The following MAGI1 variants were observed in gnomAD, a reference collection of about 807,000 sequenced individuals.
MAGI1 encodes the protein membrane associated guanylate kinase, WW and PDZ domain containing 1.
In MAGI1, 58 loss-of-function variants were observed where a neutral mutation model predicts 139.9. The observed-to-expected ratio is 0.41, with a 90% CI of 0.34 to 0.52. The LOEUF (loss-of-function observed/expected upper bound fraction) is 0.52. Ranked by LOEUF, MAGI1 falls within the 20% of genes least tolerant of loss-of-function variation. The pLI is 0.12. For synonymous variants in MAGI1, 812 were observed against 737.9 expected (o/e 1.10, Z -1.63); for missense variants, 1,874 against 1,901.6 (o/e 0.99, Z 0.27).
chr3:65,740,066 G>T (rs2035126571), intron 1 of MAGI1, among the ~76,000 whole-genome samples: 1 of 152,162 alleles, frequency 6.6e-6, no homozygotes, highest in Non-Finnish European at 1.5e-5. Flanking sequence ...GCCTGGAATG[G>T]CTTTCAAGCA....
chr3:65,597,959 G>A, intron 2 of MAGI1: 1 of 454,048 alleles, frequency 2.2e-6, no homozygotes, highest in Non-Finnish European at 4.4e-6. Context: ...CTTCCTGGGA[G>A]AGCTGGGGGC....
chr3:65,586,968 A>G (rs2081712823), intron 2 of MAGI1, among the ~76,000 whole-genome samples: 1 of 152,192 alleles, frequency 6.6e-6, no homozygotes, highest in Non-Finnish European at 1.5e-5. Context: ...AATTTCCCAA[A>G]GGCTTGCTGC....
intron 1 of MAGI1, among the ~76,000 whole-genome samples, chr3:65,981,462 A>T (rs1390500402): frequency 6.6e-6 from 1 of 152,204 alleles, no homozygotes; most frequent in Non-Finnish European, 1.5e-5. Context: ...CATTGAACAA[A>T]CAACTTGCCT....
chr3:65,693,756 T>C (rs28735143), intron 1 of MAGI1, among the ~76,000 whole-genome samples: 1 of 152,080 alleles, frequency 6.6e-6, no homozygotes. Context: ...TGGAGTCTTG[T>C]TCTGTCACCC....
chr3:65,365,294 A>C (rs113121371), intron 18 of MAGI1: 2 of 456,588 alleles, frequency 4.4e-6, no homozygotes. Flanking sequence ...GCTGCACCAC[A>C]GCAGAATTCT....
chr3:65,658,187 T>A (rs1225790540), intron 1 of MAGI1, among the ~76,000 whole-genome samples: 1 of 152,172 alleles, frequency 6.6e-6, no homozygotes, highest in Non-Finnish European at 1.5e-5. Context: ...AGGTGATGAT[T>A]ATAATTAACT....
intron 2 of MAGI1, among the ~76,000 whole-genome samples, chr3:65,611,420 TGTATACTGTATATACAGTATATATA>T (rs1420230577): frequency 2.4e-4 from 34 of 144,608 alleles, no homozygotes; most frequent in Non-Finnish European, 3.3e-4. Flanking sequence ...ATAGTATGTA[TGTATACTGTATATACAGTATATATA>T]GTATACTGTT....
rs1949155448 is a variant in MAGI1 at position 65,453,246 on chromosome 3, C to CT, written c.1042+11dup. 6.2e-7 allele frequency: 1 copy of CT among 1,613,588 alleles called. No individual in the cohort carries two copies. The highest frequency in any genetic ancestry group is 1.7e-5 in the Admixed American group (1 of 59,978). On this transcript the variant is annotated intron_variant, in intron 6 of 22. Transcript: ENST00000402939. ...CCAATTCACTTAACCCAAGACCTGCCTGGCCCCTTACCATCATCTTCACAC... is the reference window on the plus strand; with the variant it reads ...CCAATTCACTTAACCCAAGACCTGCCTTGGCCCCTTACCATCATCTTCACAC...
At chr3:65,952,942 G>A (rs2063939005) in intron 1 of MAGI1, among the ~76,000 whole-genome samples, 1 of 152,190 alleles carries the variant, frequency 6.6e-6, no homozygotes, top group Admixed American at 6.5e-5. Context: ...TGCAGATACT[G>A]TTCTAAGGAC....
intron 2 of MAGI1, among the ~76,000 whole-genome samples, chr3:65,538,122 C>T (rs569388641): frequency 2.6e-5 from 4 of 152,192 alleles, no homozygotes; most frequent in South Asian, 2.1e-4. Flanking sequence ...GCAACAAGAG[C>T]GAAGCTCTAG....
At chr3:65,822,262 T>G (rs2041988607) in intron 1 of MAGI1, among the ~76,000 whole-genome samples, 1 of 152,212 alleles carries the variant, frequency 6.6e-6, no homozygotes, top group Admixed American at 6.5e-5. Context: ...ATATTCAGTT[T>G]TGTATATTGC....
chr3:65,674,608 CT>C, intron 1 of MAGI1, among the ~76,000 whole-genome samples: 1 of 152,128 alleles, frequency 6.6e-6, no homozygotes, highest in South Asian at 2.1e-4. Flanking sequence ...TCAACACTGC[CT>C]TTCCCTTCAG....
rs55820780 is a variant in MAGI1, at chr3:65,390,487, A to G, written c.2416+655T>C. On this transcript the variant is annotated intron_variant, in intron 14 of 22. Coordinates refer to ENST00000402939, the MANE Select transcript of MAGI1 (RefSeq NM_001033057.2). ...TAAATGAATATTATTTATGGTGAAT[A>G]GTTTTTGGAAATCATTTCATAATAA... Among the ~76,000 whole-genome samples, 879 of 152,308 alleles carry G rather than the reference A, an allele frequency of 5.8e-3. 9 individuals are homozygous for G. The highest frequency in any genetic ancestry group is 0.02 in the African/African-American group (841 of 41,570).
chr3:65,706,996 T>C (rs1255931343), intron 1 of MAGI1, among the ~76,000 whole-genome samples: 2 of 152,208 alleles, frequency 1.3e-5, no homozygotes, highest in Non-Finnish European at 2.9e-5. Flanking sequence ...TCATTTATCA[T>C]TTCAAGTGAA....
At chr3:65,556,589 T>C (rs2080095005) in intron 2 of MAGI1, among the ~76,000 whole-genome samples, 1 of 152,304 alleles carries the variant, frequency 6.6e-6, no homozygotes, top group Admixed American at 6.5e-5. Context: ...ATTCTGACAA[T>C]TTTCCTCCTA....
chr3:65,593,461 C>A (rs2082054520), intron 2 of MAGI1, among the ~76,000 whole-genome samples: 1 of 152,144 alleles, frequency 6.6e-6, no homozygotes. Context: ...AACAATTCAA[C>A]AGTGAGCAGA....
At chr3:65,994,352 G>A (rs2066333514) in intron 1 of MAGI1, among the ~76,000 whole-genome samples, 1 of 150,836 alleles carries the variant, frequency 6.6e-6, no homozygotes, top group Non-Finnish European at 1.5e-5. Flanking sequence ...CTAGAACACA[G>A]CAAAGAGTGA....
intron 14 of MAGI1, chr3:65,387,102 G>A (rs751021258): frequency 3.9e-6 from 6 of 1,534,690 alleles, no homozygotes; most frequent in Non-Finnish European, 3.6e-6. Context: ...CAAACAAGAT[G>A]AATGAAAACG....
chr3:65,589,892 C>T (rs180712049), intron 2 of MAGI1, among the ~76,000 whole-genome samples: 1 of 152,024 alleles, frequency 6.6e-6, no homozygotes, highest in Admixed American at 6.5e-5. Flanking sequence ...TCCAAGACAC[C>T]CATCACCTTC....
Sources: gnomAD v4.1 joint callset for allele counts (sites outside exome capture counted in the v4.1 genomes callset) on GRCh38, gnomAD v4.1.1 for gene constraint, MANE v1.5 for transcripts, NCBI Gene and HGNC (gene_info 2026-07-23, HGNC 2026-07-21) for gene names.